ROCK2: variants seen among roughly 807,000 people sequenced by gnomAD.
ROCK2 encodes Rho associated coiled-coil containing protein kinase 2.
In ROCK2, 61 loss-of-function variants were observed where a neutral mutation model predicts 195.1. That is an observed-to-expected ratio of 0.31 (90% CI 0.25 to 0.39). The LOEUF (loss-of-function observed/expected upper bound fraction) is 0.39, where lower values mean the gene tolerates loss of function less well. Among genes scored for constraint, ROCK2 ranks in the 10% least tolerant of loss-of-function variants. The pLI is 1.00. For missense variants in ROCK2, 1,109 were observed against 1,637.4 expected (o/e 0.68, Z 5.57); for synonymous variants, 504 against 545.5 (o/e 0.92, Z 1.06).
chr2:11,203,615 G>A (rs1335685416), intron 20 of ROCK2, among the ~76,000 whole-genome samples: 1 of 152,146 alleles, frequency 6.6e-6, no homozygotes, highest in Non-Finnish European at 1.5e-5. Context: ...TACTGCTTAG[G>A]AGGTTTATCC....
chr2:11,269,093 T>C (rs901040948), intron 3 of ROCK2, among the ~76,000 whole-genome samples: 2 of 152,192 alleles, frequency 1.3e-5, no homozygotes, highest in African/African-American at 4.8e-5. Context: ...CTCTAGAAAT[T>C]TTTTGGTTTC....
Position 11,344,411 on chromosome 2 carries a change from T to C in ROCK2, c.-275A>G, listed in dbSNP as rs2148286987. ...CCCTCAGTCAGATTCGCGCCGCCGG[T>C]CCGCTGGTCCTCAGCGAGTGCCCGC... is the stretch of plus-strand genomic sequence containing the variant. On this transcript the variant is annotated 5_prime_UTR_variant, in exon 1 of 33. Transcript: ENST00000315872. This position sits in a 1 kb window ranked among gnomAD's most constrained non-coding sequence, Gnocchi z 5.4. 9.2e-7 allele frequency: 1 copy of C among 1,084,878 alleles called. No individual in the cohort carries two copies. The highest frequency in any genetic ancestry group is 1.1e-6 in the Non-Finnish European group (1 of 895,172). The allele number at this position is 1,084,878 out of a possible 1,614,324, so 67.2% of individuals were successfully genotyped here. A position where few individuals can be genotyped will look rare whatever the true frequency, so the allele number is the denominator to read the frequency against.
intron 3 of ROCK2, among the ~76,000 whole-genome samples, chr2:11,271,875 C>T (rs899700725): frequency 6.6e-6 from 1 of 152,128 alleles, no homozygotes; most frequent in African/African-American, 2.4e-5. Flanking sequence ...AAAAAATTAG[C>T]CGGGCGTGGT....
Position 11,179,784 on chromosome 2 carries a change from TTTA to T in ROCK2, c.*3650_*3652del, listed in dbSNP as rs1488069951. 3 of 151,922 alleles carry T rather than the reference TTTA, an allele frequency of 2.0e-5. No individual in the cohort carries two copies. Among genetic ancestry groups the T allele is most frequent in the African/African-American group, 7.2e-5 (3 of 41,428 alleles). 9.4% of individuals were successfully genotyped at this position (151,922 alleles called of 1,614,324 possible). ...TGAAAATGCTTATGTCTCCATTTAT[TTTA>T]TTTTATTTTTTTATAAAAAAGCAGG... On this transcript the variant is annotated 3_prime_UTR_variant, in exon 33 of 33. Coordinates refer to ENST00000315872, the MANE Select transcript of ROCK2 (RefSeq NM_004850.5).
chr2:11,296,147 T>C (rs1162292375), intron 1 of ROCK2, among the ~76,000 whole-genome samples: 1 of 152,056 alleles, frequency 6.6e-6, no homozygotes, highest in African/African-American at 2.4e-5. Context: ...CTATAAAGTC[T>C]ATCTAGTAAC....
At position 11,188,692 on chromosome 2, in the gene ROCK2, C is replaced by T. The variant is rs191202381; in HGVS notation, c.4163+3456G>A. Among the ~76,000 whole-genome samples the T allele has an allele frequency of 7.3e-3, 1,081 of 148,656 alleles. 11 individuals are homozygous for T. The highest frequency in any genetic ancestry group is 0.025 in the African/African-American group (1,017 of 40,698). On this transcript the variant is annotated intron_variant, in intron 32 of 32. Coordinates refer to ENST00000315872, the MANE Select transcript of ROCK2 (RefSeq NM_004850.5). Reference sequence around the variant, plus strand: ...AGGCTGGAGTGCAGTGGCGTGATCTCGGCTCACTACAAGCTCCGCCTCCCG... The same window carrying T: ...AGGCTGGAGTGCAGTGGCGTGATCTTGGCTCACTACAAGCTCCGCCTCCCG...
chr2:11,189,357 A>G (rs892898955), intron 32 of ROCK2, among the ~76,000 whole-genome samples: 1 of 152,150 alleles, frequency 6.6e-6, no homozygotes, highest in Non-Finnish European at 1.5e-5. Context: ...ATTTCCACCC[A>G]TTTGTATACT....
chr2:11,314,249 A>G (rs1668123891), intron 1 of ROCK2, among the ~76,000 whole-genome samples: 1 of 151,934 alleles, frequency 6.6e-6, no homozygotes, highest in Non-Finnish European at 1.5e-5. Context: ...GTAGCATCTA[A>G]AAACATTACT....
At chr2:11,339,147 T>C (rs1227141985) in intron 1 of ROCK2, among the ~76,000 whole-genome samples, 1 of 152,214 alleles carries the variant, frequency 6.6e-6, no homozygotes, top group Non-Finnish European at 1.5e-5. Context: ...AATATTGAAC[T>C]CTTCTTAATT....
chr2:11,229,308 C>T (rs1179488214), intron 5 of ROCK2, among the ~76,000 whole-genome samples: 2 of 151,970 alleles, frequency 1.3e-5, no homozygotes, highest in African/African-American at 4.8e-5. Context: ...TAAAAAGTGT[C>T]TTATGTGGAA....
At position 11,274,282 on chromosome 2, in the gene ROCK2, C is replaced by CACAACA. The variant is rs532976220; in HGVS notation, c.324+12251_324+12256dup. On this transcript the variant is annotated intron_variant, in intron 3 of 32. Transcript: ENST00000315872. ...ATTAGAGCAAAGATAAAACAGAGAA[C>CACAACA]ACAACAACAACAACAACAACAACAA... 2.2e-3 allele frequency among the ~76,000 whole-genome samples: 334 copies of CACAACA among 151,310 alleles called. 3 individuals are homozygous for CACAACA. Among genetic ancestry groups the CACAACA allele is most frequent in the African/African-American group, 7.9e-3 (324 of 41,272 alleles).
At position 11,197,826 on chromosome 2, in the gene ROCK2, G is replaced by T. The variant is rs1056908055; in HGVS notation, c.3100-121C>A. 1.9e-6 allele frequency: 1 copy of T among 523,390 alleles called. No individual in the cohort carries two copies. Among genetic ancestry groups the T allele is most frequent in the Non-Finnish European group, 3.0e-6 (1 of 335,454 alleles). 32.4% of individuals were successfully genotyped at this position (523,390 alleles called of 1,614,324 possible). Reference sequence around the variant, plus strand: ...CAAATACTCTCCTTCCCTACATACAGGGCTACAAAGAAACACTTTCTATAA... The same window carrying T: ...CAAATACTCTCCTTCCCTACATACATGGCTACAAAGAAACACTTTCTATAA... On this transcript the variant is annotated intron_variant, in intron 25 of 32. Coordinates refer to ENST00000315872, the MANE Select transcript of ROCK2 (RefSeq NM_004850.5). This position sits in a 1 kb window ranked among gnomAD's most constrained non-coding sequence, Gnocchi z 4.9.
chr2:11,267,764 C>T (rs1014925965), intron 3 of ROCK2, among the ~76,000 whole-genome samples: 9 of 147,928 alleles, frequency 6.1e-5, no homozygotes, highest in Non-Finnish European at 1.2e-4. Flanking sequence ...TGCAGTGGCA[C>T]GATCTCGGCT....
At position 11,291,391 on chromosome 2, in the gene ROCK2, A is replaced by T. The variant is rs1047098463; in HGVS notation, c.142-3655T>A. Among the ~76,000 whole-genome samples, 10 of 152,292 alleles carry T rather than the reference A, an allele frequency of 6.6e-5. No individual in the cohort carries two copies. In the East Asian group the frequency reaches 1.9e-3, roughly 29 times the overall value. The stretch of plus-strand genomic sequence containing the variant: ...ACGGTGAAACCCCATCTCTACCAAA[A>T]ATACAAAAATTAGCCGCGCGTGGTG... On this transcript the variant is annotated intron_variant, in intron 1 of 32. Transcript: ENST00000315872.
upstream of ROCK2, among the ~76,000 whole-genome samples, chr2:11,344,938 C>G (rs1196072903): frequency 1.3e-5 from 2 of 149,918 alleles, no homozygotes; most frequent in Admixed American, 1.3e-4. The surrounding 1 kb of genome is among the most constrained non-coding windows in gnomAD (Gnocchi z 5.4). Context: ...CCCTGCCCCT[C>G]CCGCCGGACC....
chr2:11,224,017 G>A (rs1370604613), intron 7 of ROCK2, among the ~76,000 whole-genome samples: 1 of 152,162 alleles, frequency 6.6e-6, no homozygotes, highest in African/African-American at 2.4e-5. Context: ...TAACCAGCTT[G>A]GAGGATAAAA....
chr2:11,334,803 T>C lies in ROCK2; in HGVS notation c.141+9193A>G, dbSNP rs189636354. Among the ~76,000 whole-genome samples, 118 of 150,684 alleles carry C rather than the reference T, an allele frequency of 7.8e-4. 3 individuals carry two copies. The highest frequency in any genetic ancestry group is 2.5e-3 in the African/African-American group (103 of 41,510). On this transcript the variant is annotated intron_variant, in intron 1 of 32. Transcript: ENST00000315872. ...TCCATGGCATAGAAACCTCAATAAT[T>C]AAACATTAGAAATTGTTCCAAGTCT...
intron 29 of ROCK2, 45 bp from the exon 30 acceptor site, chr2:11,193,902 C>A: frequency 9.6e-7 from 1 of 1,042,976 alleles, no homozygotes; most frequent in South Asian, 1.4e-5. Context: ...ACCCAAGGAT[C>A]AAATTATATA....
rs910693246 is a variant in ROCK2, at chr2:11,288,924, T to C, written c.142-1188A>G. 6.6e-5 allele frequency among the ~76,000 whole-genome samples: 10 copies of C among 152,284 alleles called. No homozygotes were observed. The South Asian group carries it at 8.3e-4, about 13-fold the overall frequency. ...CTGTCTCTGAAAAAAAATTTTTCTT[T>C]AGAAAGGTAATTAATCTACTAATCC... is the stretch of plus-strand genomic sequence containing the variant. On this transcript the variant is annotated intron_variant, in intron 1 of 32. Transcript: ENST00000315872.
Sources: allele counts gnomAD v4.1 joint callset (sites outside exome capture counted in the v4.1 genomes callset), GRCh38; gene constraint gnomAD v4.1.1; non-coding constraint Gnocchi (gnomAD v3.1); transcripts MANE v1.5; gene names NCBI Gene and HGNC (gene_info 2026-07-23, HGNC 2026-07-21).